Variants in NAALADL2 observed in about 807,000 individuals in gnomAD.
The protein encoded by NAALADL2 is inactive N-acetylated-alpha-linked acidic dipeptidase-like protein 2.
A neutral mutation model predicts 87.2 loss-of-function variants in NAALADL2; 76 were observed. The ratio of observed to expected loss-of-function variants is 0.87; its 90% CI spans 0.72 to 1.05. The LOEUF (loss-of-function observed/expected upper bound fraction) is 1.05, where lower values mean the gene tolerates loss of function less well. NAALADL2 is among the 50% of genes least tolerant of loss of function. The pLI is 0.00. For missense variants in NAALADL2, 1,089 were observed against 945.8 expected, an observed-to-expected ratio of 1.15 and a Z score of -1.99; for synonymous variants, 354 against 331.0, an observed-to-expected ratio of 1.07 and a Z score of -0.75.
At chr3:175,466,535 A>G (rs888264846) in intron 7 of NAALADL2, among the ~76,000 whole-genome samples, 2 of 152,124 alleles carry the variant, frequency 1.3e-5, no homozygotes, top group African/African-American at 4.8e-5. Context: ...TTCCCTGTGG[A>G]ATTAATTTAT....
At chr3:175,378,607 C>T (rs1489211773) in intron 5 of NAALADL2, among the ~76,000 whole-genome samples, 2 of 152,184 alleles carry the variant, frequency 1.3e-5, no homozygotes, top group Non-Finnish European at 2.9e-5. Flanking sequence ...CTATGTGAAG[C>T]TCCCACTTCC....
At chr3:174,634,230 C>T (rs1722416262) in intron 2 of NAALADL2, among the ~76,000 whole-genome samples, 1 of 152,076 alleles carries the variant, frequency 6.6e-6, no homozygotes, top group African/African-American at 2.4e-5. Flanking sequence ...CCCTCTCTTC[C>T]TTTGACTTTT....
At chr3:175,560,564 G>A (rs1023063003) in intron 9 of NAALADL2, among the ~76,000 whole-genome samples, 3 of 151,824 alleles carry the variant, frequency 2.0e-5, no homozygotes, top group African/African-American at 7.3e-5. Context: ...TGCATCATTA[G>A]GTTGTTTATT....
At chr3:175,115,154 A>T (rs1378519990) in intron 2 of NAALADL2, 7 of 151,622 alleles carry the variant, frequency 4.6e-5, no homozygotes, top group African/African-American at 1.7e-4. Context: ...AAATAAATAC[A>T]TATTTCTTCA....
At chr3:174,677,328 C>G (rs576748901) in intron 2 of NAALADL2, among the ~76,000 whole-genome samples, 14 of 152,048 alleles carry the variant, frequency 9.2e-5, no homozygotes, top group Non-Finnish European at 1.8e-4. Flanking sequence ...ACATTATGTT[C>G]CTATGTCATT....
Position 175,682,902 on chromosome 3 carries a change from A to C in NAALADL2, c.1897-54404A>C, listed in dbSNP as rs567318959. Among the ~76,000 whole-genome samples, 210 of 152,184 alleles carry C rather than the reference A, an allele frequency of 1.4e-3. 1 individual carries two copies. Among genetic ancestry groups the C allele is most frequent in the African/African-American group, 4.5e-3 (187 of 41,586 alleles). ...TTTAGCCTATCTGACATAACTGTAT[A>C]AAATGAAAATGTCATACCCTTGGGG... On this transcript the variant is annotated intron_variant, in intron 11 of 13. Coordinates refer to ENST00000454872, the MANE Select transcript of NAALADL2 (RefSeq NM_207015.3).
At chr3:175,061,301 CA>C (rs1348373079) in intron 1 of NAALADL2, among the ~76,000 whole-genome samples, 6 of 152,118 alleles carry the variant, frequency 3.9e-5, no homozygotes, top group Non-Finnish European at 8.8e-5. Context: ...TGATTTTAAG[CA>C]GCAAGGAAAG....
At chr3:174,845,920 G>A (rs779422213) in intron 3 of NAALADL2, among the ~76,000 whole-genome samples, 4 of 152,174 alleles carry the variant, frequency 2.6e-5, no homozygotes, top group South Asian at 2.1e-4. Flanking sequence ...AGGGCAGGAC[G>A]CGTTGCACCT....
At chr3:175,018,027 G>A (rs1159738935) in intron 1 of NAALADL2, among the ~76,000 whole-genome samples, 2 of 152,010 alleles carry the variant, frequency 1.3e-5, no homozygotes, top group Non-Finnish European at 2.9e-5. Flanking sequence ...TGTCAAAAAT[G>A]ATATTAGCAT....
At chr3:174,504,246 A>AC (rs1477474481) in intron 1 of NAALADL2, among the ~76,000 whole-genome samples, 3 of 152,162 alleles carry the variant, frequency 2.0e-5, no homozygotes, top group Admixed American at 1.3e-4. Context: ...TAATATATAA[A>AC]TTTTTAGAGG....
At chr3:175,131,460 G>C (rs1157596583) in intron 2 of NAALADL2, among the ~76,000 whole-genome samples, 1 of 151,918 alleles carries the variant, frequency 6.6e-6, no homozygotes, top group African/African-American at 2.4e-5. Context: ...AGAGAGCACG[G>C]GGTTGGGGGT....
chr3:175,241,803 A>G (rs1207786142), intron 3 of NAALADL2, among the ~76,000 whole-genome samples: 1 of 146,938 alleles, frequency 6.8e-6, no homozygotes, highest in Non-Finnish European at 1.5e-5. Flanking sequence ...CATTTTCCCC[A>G]CTTGATTACA....
At chr3:175,252,078 G>A (rs148897084) in intron 3 of NAALADL2, among the ~76,000 whole-genome samples, 76 of 152,278 alleles carry the variant, frequency 5.0e-4, no homozygotes, top group African/African-American at 1.7e-3. Flanking sequence ...TATTGTAAAT[G>A]TCTTTTGAAG....
At chr3:174,889,055 A>G (rs939566822) in intron 1 of NAALADL2, among the ~76,000 whole-genome samples, 1 of 152,132 alleles carries the variant, frequency 6.6e-6, no homozygotes, top group Non-Finnish European at 1.5e-5. Context: ...AACTATTTAA[A>G]CACGTTTCAT....
intron 2 of NAALADL2, among the ~76,000 whole-genome samples, chr3:174,599,639 T>C (rs901621148): frequency 1.3e-5 from 2 of 152,154 alleles, no homozygotes; most frequent in Non-Finnish European, 2.9e-5. Flanking sequence ...TGGGGAAATA[T>C]AAATTTTACT....
At chr3:175,034,550 C>T (rs898175945) in intron 1 of NAALADL2, among the ~76,000 whole-genome samples, 1 of 152,100 alleles carries the variant, frequency 6.6e-6, no homozygotes, top group Non-Finnish European at 1.5e-5. Context: ...GAGACTTCCC[C>T]TGGCCACACT....
At chr3:175,104,264 C>T (rs919259088) in intron 2 of NAALADL2, among the ~76,000 whole-genome samples, 6 of 152,080 alleles carry the variant, frequency 3.9e-5, no homozygotes, top group African/African-American at 1.4e-4. Flanking sequence ...GCGAGGTAGT[C>T]CTTACCTATA....
At chr3:174,754,214 C>G (rs1337992606) in intron 3 of NAALADL2, among the ~76,000 whole-genome samples, 6 of 151,904 alleles carry the variant, frequency 3.9e-5, no homozygotes, top group African/African-American at 1.5e-4. Context: ...ACTGGAAATA[C>G]TAAGAAAATA....
chr3:175,543,082 G>T (rs556275883), intron 9 of NAALADL2, among the ~76,000 whole-genome samples: 21 of 152,230 alleles, frequency 1.4e-4, no homozygotes, highest in African/African-American at 4.1e-4. Context: ...CAGTTTCTAT[G>T]ACATATTTAA....
Sources: allele counts gnomAD v4.1 joint callset (sites outside exome capture counted in the v4.1 genomes callset), GRCh38; gene constraint gnomAD v4.1.1; transcripts MANE v1.5; gene names NCBI Gene and HGNC (gene_info 2026-07-23, HGNC 2026-07-21).